Variants in SCOC observed in about 807,000 individuals in gnomAD.
SCOC encodes the protein short coiled-coil protein, also known as short coiled coil protein.
SCOC carries 7 observed loss-of-function variants against 9.9 expected under a neutral mutation model. That is an observed-to-expected ratio of 0.71 (90% CI 0.40 to 1.33). The LOEUF is 1.33. SCOC is among the 40% of genes most tolerant of loss of function. The pLI, the probability that SCOC is intolerant of heterozygous loss-of-function variation, is 0.01. For synonymous variants in SCOC, 19 were observed against 28.2 expected, an observed-to-expected ratio of 0.67 and a Z score of 1.03; for missense variants, 66 against 89.7, an observed-to-expected ratio of 0.74 and a Z score of 1.07.
At chr4:140,345,993 C>A (rs531380133) in intron 2 of SCOC, among the ~76,000 whole-genome samples, 1 of 152,212 alleles carries the variant, frequency 6.6e-6, no homozygotes, top group African/African-American at 2.4e-5. Flanking sequence ...TATGGTCCTA[C>A]ATTACAGATG....
At chr4:140,307,666 G>C (rs190017796) in intron 1 of SCOC, among the ~76,000 whole-genome samples, 1 of 152,126 alleles carries the variant, frequency 6.6e-6, no homozygotes, top group Non-Finnish European at 1.5e-5. Flanking sequence ...AGTTTCTTAG[G>C]TTTGATCTAA....
chr4:140,280,627 G>A (rs1482420449), intron 1 of SCOC, among the ~76,000 whole-genome samples: 3 of 152,142 alleles, frequency 2.0e-5, no homozygotes, highest in African/African-American at 7.2e-5. Context: ...ACTGAATGTT[G>A]GTAAGGCAGA....
intron 1 of SCOC, among the ~76,000 whole-genome samples, chr4:140,277,932 G>GGCAAAACTTCTA: frequency 6.6e-6 from 1 of 152,286 alleles, no homozygotes; most frequent in South Asian, 2.1e-4. Context: ...AAACAAAGGT[G>GGCAAAACTTCTA]GCAAAACTTC....
At chr4:140,368,051 C>T (rs1044360506) in intron 2 of SCOC, among the ~76,000 whole-genome samples, 1 of 152,212 alleles carries the variant, frequency 6.6e-6, no homozygotes, top group Admixed American at 6.5e-5. Flanking sequence ...GACTAACTCC[C>T]TGCAGTCTCA....
At chr4:140,293,854 G>A (rs1317449956) in intron 1 of SCOC, among the ~76,000 whole-genome samples, 2 of 152,212 alleles carry the variant, frequency 1.3e-5, no homozygotes, top group South Asian at 2.1e-4. Context: ...CCATCAAGGG[G>A]AGAGTAAAGC....
intron 2 of SCOC, among the ~76,000 whole-genome samples, chr4:140,365,729 C>A (rs867600807): frequency 6.6e-6 from 1 of 152,116 alleles, no homozygotes; most frequent in Non-Finnish European, 1.5e-5. Flanking sequence ...CATGATGACC[C>A]ACTTCCACGT....
chr4:140,381,251 C>T lies in SCOC; in HGVS notation c.*147C>T. ...GATGTAGACAAAAATAACACAATAA[C>T]AGGAGACTTCCATAAGTTTGTGTAT... On this transcript the variant is annotated 3_prime_UTR_variant, in exon 4 of 4. Transcript: ENST00000608372. 1.5e-6 allele frequency: 1 copy of T among 687,484 alleles called. No homozygotes were observed. Among genetic ancestry groups the T allele is most frequent in the South Asian group, 2.4e-5 (1 of 42,298 alleles). 42.6% of individuals were successfully genotyped at this position (687,484 alleles called of 1,614,324 possible).
At chr4:140,281,056 C>T (rs1731085367) in intron 1 of SCOC, among the ~76,000 whole-genome samples, 4 of 152,142 alleles carry the variant, frequency 2.6e-5, no homozygotes, top group Non-Finnish European at 1.5e-5. Flanking sequence ...CATTTACTCA[C>T]TCCTCAGCAC....
At chr4:140,379,377 T>A (rs1012274483) in intron 2 of SCOC, among the ~76,000 whole-genome samples, 185 bp downstream of exon 2, 2 of 152,204 alleles carry the variant, frequency 1.3e-5, no homozygotes, top group Admixed American at 6.5e-5. Context: ...CTATGAGAGG[T>A]TGGCAAGTTG....
chr4:140,360,420 G>A (rs1219913830), intron 2 of SCOC, among the ~76,000 whole-genome samples: 1 of 152,182 alleles, frequency 6.6e-6, no homozygotes, highest in African/African-American at 2.4e-5. Context: ...TTATGATGAG[G>A]TGATGTCAGT....
At chr4:140,344,136 T>C (rs1015182100) in intron 2 of SCOC, among the ~76,000 whole-genome samples, 3 of 152,216 alleles carry the variant, frequency 2.0e-5, no homozygotes, top group African/African-American at 7.2e-5. Context: ...AAATGTCTGA[T>C]TTTTAAGGCT....
chr4:140,277,911 C>G (rs1340388467), intron 1 of SCOC, among the ~76,000 whole-genome samples: 1 of 152,142 alleles, frequency 6.6e-6, no homozygotes, highest in Admixed American at 6.5e-5. Flanking sequence ...AAAACAAATG[C>G]AAAAATAAGA....
intron 1 of SCOC, among the ~76,000 whole-genome samples, chr4:140,335,330 G>C (rs1242792289): frequency 6.6e-6 from 1 of 152,172 alleles, no homozygotes; most frequent in Non-Finnish European, 1.5e-5. Context: ...TGTTTCCTTA[G>C]AGAGTTGTTG....
intron 1 of SCOC, among the ~76,000 whole-genome samples, chr4:140,285,828 A>G (rs1467433755): frequency 1.3e-5 from 2 of 152,146 alleles, no homozygotes; most frequent in Non-Finnish European, 2.9e-5. Flanking sequence ...ATGCATCTCT[A>G]TGAAGGCATA....
intron 2 of SCOC, chr4:140,362,942 A>G (rs982555697): frequency 6.6e-6 from 1 of 152,174 alleles, no homozygotes; most frequent in African/African-American, 2.4e-5. Context: ...TCTTGCTGGT[A>G]TGCCAAGAAT....
chr4:140,269,932 C>T (rs376939966), intron 1 of SCOC, among the ~76,000 whole-genome samples: 10 of 152,092 alleles, frequency 6.6e-5, no homozygotes, highest in South Asian at 2.1e-4. Flanking sequence ...TTAAAATTTT[C>T]GTAGAGACAG....
chr4:140,366,669 A>C (rs1727812437), intron 2 of SCOC: 1 of 1,600,010 alleles, frequency 6.2e-7, no homozygotes, highest in African/African-American at 1.3e-5. Flanking sequence ...CTCTGTGTGG[A>C]AACTTGAGGT....
At chr4:140,258,997 A>C (rs1198072000) in intron 1 of SCOC, among the ~76,000 whole-genome samples, 1 of 152,248 alleles carries the variant, frequency 6.6e-6, no homozygotes, top group Non-Finnish European at 1.5e-5. Flanking sequence ...TTTTCACCAG[A>C]TTCTGTTTGC....
At chr4:140,266,162 G>A (rs1387377729) in intron 1 of SCOC, among the ~76,000 whole-genome samples, 3 of 152,122 alleles carry the variant, frequency 2.0e-5, no homozygotes, top group East Asian at 1.9e-4. Flanking sequence ...AGATGGAAAC[G>A]GAGAAGTTGC....
Sources: allele counts gnomAD v4.1 joint callset (sites outside exome capture counted in the v4.1 genomes callset), GRCh38; gene constraint gnomAD v4.1.1; transcripts MANE v1.5; gene names NCBI Gene and HGNC (gene_info 2026-07-23, HGNC 2026-07-21).